MCTP1: variants seen among roughly 807,000 people sequenced by gnomAD.
MCTP1 encodes the protein multiple C2 and transmembrane domain-containing protein 1.
A neutral mutation model predicts 120.6 loss-of-function variants in MCTP1; 69 were observed. The observed-to-expected ratio is 0.57, with a 90% confidence interval of 0.47 to 0.70. The LOEUF is 0.70. Among genes scored for constraint, MCTP1 ranks in the 30% least tolerant of loss-of-function variants. The pLI, the probability that MCTP1 is intolerant of heterozygous loss-of-function variation, is 0.00. For synonymous variants in MCTP1, 529 were observed against 493.1 expected (o/e 1.07, Z -0.96); for missense variants, 1,203 against 1,248.8 (o/e 0.96, Z 0.55).
chr5:94,934,160 G>A (rs1035775096), intron 5 of MCTP1, among the ~76,000 whole-genome samples: 7 of 151,568 alleles, frequency 4.6e-5, no homozygotes, highest in Non-Finnish European at 1.0e-4. Flanking sequence ...AGTTAAGGTC[G>A]ATTCAATAAA....
intron 4 of MCTP1, among the ~76,000 whole-genome samples, chr5:94,942,073 T>A (rs1368469842): frequency 6.6e-6 from 1 of 152,088 alleles, no homozygotes; most frequent in South Asian, 2.1e-4. Context: ...ATGTCTCTTT[T>A]ATCTCTCGAT....
intron 1 of MCTP1, among the ~76,000 whole-genome samples, chr5:95,234,571 G>A (rs962570954): frequency 9.9e-5 from 15 of 152,154 alleles, no homozygotes; most frequent in African/African-American, 3.4e-4. Context: ...ATTGCTGTGA[G>A]TAATAATAGT....
chr5:95,044,144 G>A (rs1842792046), intron 1 of MCTP1, among the ~76,000 whole-genome samples: 3 of 152,276 alleles, frequency 2.0e-5, no homozygotes, highest in Non-Finnish European at 2.9e-5. Flanking sequence ...TCCTTGTTGA[G>A]GGTGTATGTC....
At chr5:94,872,551 C>T (rs1031694252) in intron 13 of MCTP1, among the ~76,000 whole-genome samples, 6 of 152,042 alleles carry the variant, frequency 3.9e-5, no homozygotes, top group African/African-American at 1.4e-4. Flanking sequence ...TTCAAAAGCC[C>T]TGTTTAAAAA....
At chr5:94,841,427 C>A (rs1156469668) in intron 17 of MCTP1, among the ~76,000 whole-genome samples, 1 of 152,068 alleles carries the variant, frequency 6.6e-6, no homozygotes, top group African/African-American at 2.4e-5. Flanking sequence ...TGCTACTTAC[C>A]ATTTCATAGT....
chr5:95,175,549 C>A (rs1747864101), intron 1 of MCTP1, among the ~76,000 whole-genome samples: 1 of 152,166 alleles, frequency 6.6e-6, no homozygotes, highest in Non-Finnish European at 1.5e-5. Context: ...AAAGTAAATT[C>A]TCCTCCTACC....
intron 1 of MCTP1, among the ~76,000 whole-genome samples, chr5:95,107,781 A>G (rs1757194639): frequency 6.6e-6 from 1 of 152,244 alleles, no homozygotes; most frequent in Admixed American, 6.5e-5. Context: ...TGTATAGGGG[A>G]AAAGCTATTT....
chr5:95,027,594 G>A (rs1271378827), intron 1 of MCTP1, among the ~76,000 whole-genome samples: 1 of 152,178 alleles, frequency 6.6e-6, no homozygotes, highest in African/African-American at 2.4e-5. Flanking sequence ...GTGTGACATT[G>A]TAACAGGGCA....
At chr5:95,207,923 G>C (rs980358016) in intron 1 of MCTP1, among the ~76,000 whole-genome samples, 2 of 118,964 alleles carry the variant, frequency 1.7e-5, no homozygotes, top group African/African-American at 3.0e-5. Flanking sequence ...AAAAGAATGA[G>C]CGGGCGAGAG....
chr5:95,126,952 T>C (rs1417205226), intron 1 of MCTP1, among the ~76,000 whole-genome samples: 1 of 152,244 alleles, frequency 6.6e-6, no homozygotes, highest in Non-Finnish European at 1.5e-5. Context: ...CATTTTATTA[T>C]GTCCGATTTT....
chr5:95,107,025 C>T (rs1757135418), intron 1 of MCTP1, among the ~76,000 whole-genome samples: 1 of 152,032 alleles, frequency 6.6e-6, no homozygotes, highest in Non-Finnish European at 1.5e-5. Flanking sequence ...TTATTCAAAG[C>T]CTACTGTACT....
At chr5:94,973,477 C>T (rs972793865) in intron 2 of MCTP1, among the ~76,000 whole-genome samples, 16 of 152,178 alleles carry the variant, frequency 1.1e-4, no homozygotes, top group African/African-American at 2.2e-4. Flanking sequence ...GTGAATTTGA[C>T]GGGGAAGATG....
intron 18 of MCTP1, among the ~76,000 whole-genome samples, chr5:94,797,045 T>C (rs1780245970): frequency 6.6e-6 from 1 of 152,116 alleles, no homozygotes; most frequent in Admixed American, 6.5e-5. Context: ...AGGAAAAGAT[T>C]TGGTAAATAC....
chr5:95,070,740 GTCCC>G (rs1751936936), intron 1 of MCTP1, among the ~76,000 whole-genome samples: 1 of 152,238 alleles, frequency 6.6e-6, no homozygotes, highest in Non-Finnish European at 1.5e-5. Flanking sequence ...TACAAAGGCA[GTCCC>G]AGCTGCGGCT....
chr5:95,197,654 T>C (rs1750540118), intron 1 of MCTP1, among the ~76,000 whole-genome samples: 1 of 152,174 alleles, frequency 6.6e-6, no homozygotes, highest in Non-Finnish European at 1.5e-5. Context: ...CACATATATA[T>C]ACACATATGC....
intron 1 of MCTP1, among the ~76,000 whole-genome samples, chr5:95,179,549 A>C (rs2152511951): frequency 6.6e-6 from 1 of 152,158 alleles, no homozygotes; most frequent in East Asian, 1.9e-4. Context: ...AACAATTATC[A>C]ACCAAGAATT....
rs9314127 is a variant in MCTP1, at chr5:95,111,270, A to C, written c.721-93786T>G. 2.7e-3 allele frequency among the ~76,000 whole-genome samples: 410 copies of C among 152,292 alleles called. 1 individual carries two copies. Among genetic ancestry groups the C allele is most frequent in the African/African-American group, 9.6e-3 (397 of 41,564 alleles). Reference sequence around the variant, plus strand: ...TTGTAGTTTATCATAACTAGTGATGATAGTGCTTTCTCCAAAGAAAACAAG... The same window carrying C: ...TTGTAGTTTATCATAACTAGTGATGCTAGTGCTTTCTCCAAAGAAAACAAG... On this transcript the variant is annotated intron_variant, in intron 1 of 22. Coordinates refer to ENST00000515393, the MANE Select transcript of MCTP1 (RefSeq NM_024717.7).
chr5:95,132,621 A>G (rs1302571026), intron 1 of MCTP1, among the ~76,000 whole-genome samples: 1 of 152,118 alleles, frequency 6.6e-6, no homozygotes, highest in Non-Finnish European at 1.5e-5. Flanking sequence ...CGACCTCAGC[A>G]CTTTGGCAAA....
At chr5:94,776,377 C>T (rs761060561) in intron 19 of MCTP1, among the ~76,000 whole-genome samples, 7 of 152,044 alleles carry the variant, frequency 4.6e-5, no homozygotes, top group East Asian at 1.9e-4. Flanking sequence ...GCTTAGGGAA[C>T]GCCTGCCAGG....
Sources: allele counts gnomAD v4.1 joint callset (sites outside exome capture counted in the v4.1 genomes callset), GRCh38; gene constraint gnomAD v4.1.1; transcripts MANE v1.5; gene names NCBI Gene and HGNC (gene_info 2026-07-23, HGNC 2026-07-21).